RHEB: variants seen among roughly 807,000 people sequenced by gnomAD.
RHEB encodes the protein Ras homolog, mTORC1 binding, also known as GTP-binding protein Rheb.
A neutral mutation model predicts 28.8 loss-of-function variants in RHEB; 2 were observed. That is an observed-to-expected ratio of 0.07 (90% confidence interval 0.03 to 0.22). The LOEUF (loss-of-function observed/expected upper bound fraction) is 0.22, where lower values mean the gene tolerates loss of function less well. Among genes scored for constraint, RHEB ranks in the 10% least tolerant of loss-of-function variants. The pLI is 1.00. For synonymous variants in RHEB, 69 were observed against 77.3 expected, an observed-to-expected ratio of 0.89 and a Z score of 0.56; for missense variants, 76 against 219.9, an observed-to-expected ratio of 0.35 and a Z score of 4.14.
chr7:151,504,926 G>C (rs531714288), intron 1 of RHEB, among the ~76,000 whole-genome samples: 1 of 151,064 alleles, frequency 6.6e-6, no homozygotes, highest in South Asian at 2.1e-4. Flanking sequence ...TCTTTTTACA[G>C]GTGTGGGACC....
Position 151,468,118 on chromosome 7 carries a change from C to A in RHEB, c.463-907G>T, listed in dbSNP as rs1361291312. ...CCCTGTTCTCCTAATCACCAAGAAT[C>A]CCCCTCCCCCATCACTCCAGTGACT... On this transcript the variant is annotated intron_variant, in intron 7 of 7. Transcript: ENST00000262187. The surrounding 1 kb of genome is among the most constrained non-coding windows in gnomAD (Gnocchi z 4.3). 6.6e-6 allele frequency among the ~76,000 whole-genome samples: 1 copy of A among 152,082 alleles called. No homozygotes were observed. The highest frequency in any genetic ancestry group is 2.4e-5 in the African/African-American group (1 of 41,384).
intron 1 of RHEB, among the ~76,000 whole-genome samples, chr7:151,514,753 G>A (rs895695272): frequency 6.6e-6 from 1 of 152,148 alleles, no homozygotes; most frequent in Non-Finnish European, 1.5e-5. Flanking sequence ...TAGCCAGAAA[G>A]TAGAGCTCCA....
chr7:151,470,926 A>G (rs1802151326), intron 6 of RHEB, among the ~76,000 whole-genome samples: 2 of 152,232 alleles, frequency 1.3e-5, no homozygotes, highest in East Asian at 1.9e-4. Context: ...GTACTCCCGT[A>G]TCTGTAACAA....
intron 1 of RHEB, chr7:151,503,399 G>T: frequency 8.7e-7 from 1 of 1,142,872 alleles, no homozygotes; most frequent in South Asian, 1.2e-5. Flanking sequence ...CTGCAGTACC[G>T]AGTAGATTTC....
chr7:151,506,349 C>G (rs1322011631), intron 1 of RHEB, among the ~76,000 whole-genome samples: 1 of 151,928 alleles, frequency 6.6e-6, no homozygotes, highest in Non-Finnish European at 1.5e-5. Context: ...CATGCCCAGC[C>G]CATTTACTAC....
At position 151,479,483 on chromosome 7, in the gene RHEB, T is replaced by C. The variant is rs190015670; in HGVS notation, c.193-2068A>G. Among the ~76,000 whole-genome samples the C allele has an allele frequency of 5.3e-3, 813 of 152,118 alleles. 10 individuals carry two copies. Among genetic ancestry groups the C allele is most frequent in the Middle Eastern group, 0.01 (3 of 294 alleles). On this transcript the variant is annotated intron_variant, in intron 3 of 7. Transcript: ENST00000262187. ...AGATCACAAGGTCAGGAGATTCATA[T>C]CATCCTGGCTAACACAGTGAAACCC... is the stretch of plus-strand genomic sequence containing the variant.
chr7:151,501,406 C>T (rs557532786), intron 1 of RHEB, among the ~76,000 whole-genome samples: 3 of 152,310 alleles, frequency 2.0e-5, no homozygotes, highest in East Asian at 3.9e-4. Context: ...TGAGATGCTA[C>T]ACACCTAATT....
In RHEB at chr7:151,472,533, A is replaced by T. The variant is rs1044778521; in HGVS notation, c.276-928T>A. Reference sequence around the variant, plus strand: ...GCTGGGATTACAGGCGTGAGCCACCACACCCAGCCTCAAATGTCACTTCTT... The same window carrying T: ...GCTGGGATTACAGGCGTGAGCCACCTCACCCAGCCTCAAATGTCACTTCTT... On this transcript the variant is annotated intron_variant, in intron 4 of 7. Transcript: ENST00000262187. This position sits in a 1 kb window ranked among gnomAD's most constrained non-coding sequence, Gnocchi z 5.2. Among the ~76,000 whole-genome samples, 1 of 152,156 alleles carries T rather than the reference A, an allele frequency of 6.6e-6. No individual in the cohort carries two copies. The highest frequency in any genetic ancestry group is 2.4e-5 in the African/African-American group (1 of 41,432).
Position 151,517,039 on chromosome 7 carries a change from C to T in RHEB, c.52+2421G>A, listed in dbSNP as rs568171522. 2.0e-5 allele frequency among the ~76,000 whole-genome samples: 3 copies of T among 152,292 alleles called. No individual in the cohort carries two copies. In the South Asian group the frequency reaches 6.2e-4, roughly 32 times the overall value. ...CTTCCCCTAAAAAAGACCCCACATA[C>T]TACAAAATATCCTGGCTCATAATAC... On this transcript the variant is annotated intron_variant, in intron 1 of 7. Coordinates refer to ENST00000262187, the MANE Select transcript of RHEB (RefSeq NM_005614.4).
intron 4 of RHEB, among the ~76,000 whole-genome samples, chr7:151,473,574 T>C (rs1220668932): frequency 1.3e-5 from 2 of 152,210 alleles, no homozygotes; most frequent in Non-Finnish European, 2.9e-5. Context: ...TCGGAAAGTT[T>C]TACTGACGTA....
intron 1 of RHEB, among the ~76,000 whole-genome samples, chr7:151,508,639 T>G (rs1802930189): frequency 6.6e-6 from 1 of 151,748 alleles, no homozygotes; most frequent in African/African-American, 2.4e-5. Flanking sequence ...TTTTAGTTTT[T>G]TTTTTTTTTT....
chr7:151,512,661 G>C (rs368770262), intron 1 of RHEB, among the ~76,000 whole-genome samples: 1 of 152,294 alleles, frequency 6.6e-6, no homozygotes, highest in South Asian at 2.1e-4. Flanking sequence ...CTCCTAGGAG[G>C]CTCTTCTAAC....
chr7:151,509,931 T>C (rs1435122629), intron 1 of RHEB, among the ~76,000 whole-genome samples: 1 of 152,216 alleles, frequency 6.6e-6, no homozygotes, highest in Admixed American at 6.5e-5. Context: ...TGGCCTGCCC[T>C]GCAAAGCTTG....
At chr7:151,516,390 C>T (rs1049685234) in intron 1 of RHEB, among the ~76,000 whole-genome samples, 30 of 151,952 alleles carry the variant, frequency 2.0e-4, no homozygotes, top group African/African-American at 6.3e-4. Context: ...TTAGGGAGGC[C>T]GAGGCAGGTG....
At chr7:151,471,705 C>CA (rs2150920560) in intron 4 of RHEB, 100 bp from the exon 5 acceptor site, 1 of 753,200 alleles carries the variant, frequency 1.3e-6, no homozygotes, top group South Asian at 1.9e-5. Context: ...GTCACAGACT[C>CA]ACCATTTTAA....
rs893561298 is a variant in RHEB at position 151,472,258 on chromosome 7, G to A, written c.276-653C>T. 2.6e-5 allele frequency among the ~76,000 whole-genome samples: 4 copies of A among 152,044 alleles called. No homozygotes were observed. The highest frequency in any genetic ancestry group is 5.9e-5 in the Non-Finnish European group (4 of 67,998). ...TTTCAAATCCTACCTAGAATCTGAC[G>A]GCTTCTCACTCCCCTCCACTGCTGC... On this transcript the variant is annotated intron_variant, in intron 4 of 7. Coordinates refer to ENST00000262187, the MANE Select transcript of RHEB (RefSeq NM_005614.4). This position sits in a 1 kb window ranked among gnomAD's most constrained non-coding sequence, Gnocchi z 5.2.
chr7:151,502,252 C>A, intron 1 of RHEB: 3 of 524,528 alleles, frequency 5.7e-6, no homozygotes, highest in South Asian at 2.4e-5. Flanking sequence ...AAAAAAGGAG[C>A]TTGGAGGCAG....
intron 4 of RHEB, 91 bp downstream of exon 4, chr7:151,477,242 G>A (rs1392315716): frequency 1.4e-5 from 11 of 790,058 alleles, no homozygotes; most frequent in Non-Finnish European, 1.9e-5. Flanking sequence ...AATTCTAATT[G>A]TCACTATTAA....
intron 1 of RHEB, among the ~76,000 whole-genome samples, chr7:151,501,124 T>C (rs1237056916): frequency 6.6e-6 from 1 of 151,978 alleles, no homozygotes; most frequent in Non-Finnish European, 1.5e-5. Context: ...AAGAAAAAAA[T>C]AACATCTTGG....
Sources: gnomAD v4.1 joint callset for allele counts (sites outside exome capture counted in the v4.1 genomes callset) on GRCh38, gnomAD v4.1.1 for gene constraint, Gnocchi (gnomAD v3.1) non-coding constraint, MANE v1.5 for transcripts, NCBI Gene and HGNC (gene_info 2026-07-23, HGNC 2026-07-21) for gene names.